FHIT: variants seen among roughly 807,000 people sequenced by gnomAD.
FHIT encodes fragile histidine triad diadenosine triphosphatase.
In FHIT, 19 loss-of-function variants were observed where a neutral mutation model predicts 17.9. The ratio of observed to expected loss-of-function variants is 1.06; its 90% CI spans 0.74 to 1.56. FHIT has a LOEUF of 1.56. Ranked by LOEUF, FHIT falls within the 40% of genes most tolerant of loss-of-function variation. FHIT has a pLI of 0.00. For synonymous variants in FHIT, 81 were observed against 69.7 expected, an observed-to-expected ratio of 1.16 and a Z score of -0.81; for missense variants, 248 against 189.2, an observed-to-expected ratio of 1.31 and a Z score of -1.82.
chr3:60,732,147 G>C, intron 4 of FHIT: 2 of 774,994 alleles, frequency 2.6e-6, no homozygotes, highest in South Asian at 1.4e-5. Flanking sequence ...GTCAAACTTA[G>C]TAGAGCTGTC....
intron 8 of FHIT, among the ~76,000 whole-genome samples, chr3:59,903,017 T>C (rs920489401): frequency 2.0e-5 from 3 of 152,212 alleles, no homozygotes; most frequent in Non-Finnish European, 4.4e-5. Flanking sequence ...GTGGTAACCA[T>C]ATCACAATGT....
At chr3:60,795,958 A>G (rs2108131310) in intron 4 of FHIT, among the ~76,000 whole-genome samples, 1 of 152,336 alleles carries the variant, frequency 6.6e-6, no homozygotes, top group East Asian at 1.9e-4. Context: ...AGGTTTAATT[A>G]GACTTACAGT....
chr3:61,083,805 A>C (rs1274427619), intron 2 of FHIT, among the ~76,000 whole-genome samples: 3 of 152,148 alleles, frequency 2.0e-5, no homozygotes, highest in African/African-American at 7.2e-5. Flanking sequence ...GATGTTTTCA[A>C]GGTTCATCCA....
In FHIT at chr3:60,078,951, A is replaced by G. The variant is rs147408860; in HGVS notation, c.104-64799T>C. Among the ~76,000 whole-genome samples the G allele has an allele frequency of 2.3e-3, 343 of 152,202 alleles. 2 individuals carry two copies. The highest frequency in any genetic ancestry group is 7.8e-3 in the African/African-American group (324 of 41,542). On this transcript the variant is annotated intron_variant, in intron 5 of 9. Coordinates refer to ENST00000492590, the MANE Select transcript of FHIT (RefSeq NM_002012.4). Reference sequence around the variant, plus strand: ...TTATTTCAGAATTAAAAGTTAAAAAAGAAAAGAGAGGGAGCTTGACTTAAT... The same window carrying G: ...TTATTTCAGAATTAAAAGTTAAAAAGGAAAAGAGAGGGAGCTTGACTTAAT...
At chr3:60,590,118 C>T (rs76641863) in intron 4 of FHIT, among the ~76,000 whole-genome samples, 1,724 of 152,012 alleles carry the variant, frequency 0.011, 27 homozygotes, top group African/African-American at 0.038. Flanking sequence ...AATAAGTTAA[C>T]GATTTAAAAT....
At chr3:60,776,669 CAATT>C (rs1173277693) in intron 4 of FHIT, among the ~76,000 whole-genome samples, 1 of 152,102 alleles carries the variant, frequency 6.6e-6, no homozygotes, top group Non-Finnish European at 1.5e-5. Context: ...AGTTAGCACA[CAATT>C]AAAGCAACTT....
intron 5 of FHIT, among the ~76,000 whole-genome samples, chr3:60,337,698 A>T (rs1424387221): frequency 6.6e-6 from 1 of 152,160 alleles, no homozygotes; most frequent in African/African-American, 2.4e-5. Context: ...CTGAGTTATG[A>T]TCCTGGGAGA....
chr3:59,807,150 G>T (rs1425291118), intron 8 of FHIT, among the ~76,000 whole-genome samples: 1 of 152,198 alleles, frequency 6.6e-6, no homozygotes, highest in South Asian at 2.1e-4. Context: ...ACATAGGTTA[G>T]ATAATGCAAT....
chr3:60,447,294 C>T lies in FHIT; in HGVS notation c.103+89566G>A, dbSNP rs565380699. ...CTCTAATTTAGCCAAAAGCAGAAGT[C>T]CTCAGGTTAATTTAATAGAGTAATA... On this transcript the variant is annotated intron_variant, in intron 5 of 9. Coordinates refer to ENST00000492590, the MANE Select transcript of FHIT (RefSeq NM_002012.4). Among the ~76,000 whole-genome samples, 78 of 152,126 alleles carry T rather than the reference C, an allele frequency of 5.1e-4. 1 individual carries two copies. Among genetic ancestry groups the T allele is most frequent in the African/African-American group, 1.9e-3 (78 of 41,532 alleles).
chr3:60,284,067 G>C (rs1435704061), intron 5 of FHIT, among the ~76,000 whole-genome samples: 2 of 151,970 alleles, frequency 1.3e-5, no homozygotes, highest in Admixed American at 1.3e-4. Flanking sequence ...TGGCATTTCA[G>C]AATCATAAAA....
chr3:60,870,541 T>G (rs576592131), intron 3 of FHIT, among the ~76,000 whole-genome samples: 48 of 152,264 alleles, frequency 3.2e-4, no homozygotes, highest in Admixed American at 2.1e-3. Context: ...GGCAAGGCTA[T>G]CCTTATCATG....
At chr3:59,981,887 A>G (rs1416084021) in intron 7 of FHIT, among the ~76,000 whole-genome samples, 2 of 152,102 alleles carry the variant, frequency 1.3e-5, no homozygotes, top group Non-Finnish European at 2.9e-5. Flanking sequence ...TATGATAGAG[A>G]ACAAAAATAT....
intron 3 of FHIT, among the ~76,000 whole-genome samples, chr3:60,865,179 C>A (rs1439428812): frequency 6.6e-6 from 1 of 152,170 alleles, no homozygotes; most frequent in Non-Finnish European, 1.5e-5. Context: ...CTAAAAAATT[C>A]TCCCATTTCT....
Position 60,021,381 on chromosome 3 carries a change from A to T in FHIT, c.104-7229T>A, listed in dbSNP as rs1277574299. 2.0e-5 allele frequency among the ~76,000 whole-genome samples: 3 copies of T among 152,196 alleles called. No homozygotes were observed. The East Asian group carries it at 5.8e-4, about 29-fold the overall frequency. On this transcript the variant is annotated intron_variant, in intron 5 of 9. Transcript: ENST00000492590. Reference sequence around the variant, plus strand: ...AAACAGTTGCCTTTCAAAGAAAGTAAATTGACAGGGGAGTCCGCAGCCCGA... The same window carrying T: ...AAACAGTTGCCTTTCAAAGAAAGTATATTGACAGGGGAGTCCGCAGCCCGA...
At chr3:60,335,671 C>A (rs1710200718) in intron 5 of FHIT, among the ~76,000 whole-genome samples, 1 of 152,104 alleles carries the variant, frequency 6.6e-6, no homozygotes, top group African/African-American at 2.4e-5. Context: ...TCAGCACACA[C>A]ACACACAAAA....
At chr3:59,964,186 T>C (rs1280491112) in intron 7 of FHIT, among the ~76,000 whole-genome samples, 1 of 152,206 alleles carries the variant, frequency 6.6e-6, no homozygotes, top group East Asian at 1.9e-4. Context: ...CTACATATTA[T>C]TCAGGGTAAA....
chr3:60,091,003 C>G (rs2107094647), intron 5 of FHIT, among the ~76,000 whole-genome samples: 1 of 152,310 alleles, frequency 6.6e-6, no homozygotes, highest in East Asian at 1.9e-4. Context: ...CCACAATGTT[C>G]AGACTGACAA....
intron 5 of FHIT, among the ~76,000 whole-genome samples, chr3:60,244,237 A>G (rs1705276477): frequency 6.6e-6 from 1 of 152,064 alleles, no homozygotes; most frequent in Non-Finnish European, 1.5e-5. Context: ...TTTTCCCTAT[A>G]AATGTCAAGG....
intron 8 of FHIT, among the ~76,000 whole-genome samples, chr3:59,817,562 T>TAAAA (rs10691937): frequency 2.1e-4 from 20 of 93,538 alleles, no homozygotes; most frequent in East Asian, 6.0e-4. Flanking sequence ...CACCCGTCAC[T>TAAAA]AAAAAAAAAA....
Sources: allele counts gnomAD v4.1 joint callset (sites outside exome capture counted in the v4.1 genomes callset), GRCh38; gene constraint gnomAD v4.1.1; transcripts MANE v1.5; gene names NCBI Gene and HGNC (gene_info 2026-07-23, HGNC 2026-07-21).